Variants in GIT2 observed in about 807,000 individuals in gnomAD.
The protein encoded by GIT2 is GIT ArfGAP 2, also known as ARF GTPase-activating protein GIT2.
GIT2 carries 32 observed loss-of-function variants against 100.3 expected under a neutral mutation model. The observed-to-expected ratio is 0.32, with a 90% CI of 0.24 to 0.43. The LOEUF is 0.43. Ranked by LOEUF, GIT2 falls within the 20% of genes least tolerant of loss-of-function variation. The probability of loss-of-function intolerance (pLI) is 1.00; values close to 1 mark genes in which losing one functional copy is unlikely to be tolerated. For missense variants in GIT2, 737 were observed against 975.1 expected, an observed-to-expected ratio of 0.76 and a Z score of 3.25; for synonymous variants, 353 against 364.1, an observed-to-expected ratio of 0.97 and a Z score of 0.35.
rs545882404 is a variant in GIT2, at chr12:109,984,315, G to A, written c.406-621C>T. On this transcript the variant is annotated intron_variant, in intron 4 of 19. Coordinates refer to ENST00000355312, the MANE Select transcript of GIT2 (RefSeq NM_057169.5). ...TAGTCCCAGCTACTAAGGAGGCTGA[G>A]GTGGGAAGATCACCTGAGCCTGGGC... is the stretch of plus-strand genomic sequence containing the variant. Among the ~76,000 whole-genome samples the A allele has an allele frequency of 1.8e-3, 269 of 152,194 alleles. 1 individual carries two copies. Among genetic ancestry groups the A allele is most frequent in the Non-Finnish European group, 3.2e-3 (220 of 68,012 alleles).
chr12:109,948,492 A>G lies in GIT2; in HGVS notation c.1393-988T>C. ...ATTAGAGTTAAGGGGTCAGCAGGGA[A>G]TCGTGTTACTCTTTGGCATCTGGCA... On this transcript the variant is annotated intron_variant, in intron 14 of 19. Transcript: ENST00000355312. The surrounding 1 kb of genome is among the most constrained non-coding windows in gnomAD (Gnocchi z 4.3). 1 of 1,180,306 alleles carries G rather than the reference A, an allele frequency of 8.5e-7. No individual in the cohort carries two copies. The highest frequency in any genetic ancestry group is 1.1e-6 in the Non-Finnish European group (1 of 952,126). 73.1% of individuals were successfully genotyped at this position (1,180,306 alleles called of 1,614,324 possible). A position where few individuals can be genotyped will look rare whatever the true frequency, so the allele number is the denominator to read the frequency against.
At chr12:109,981,469 G>A (rs1457374764) in intron 6 of GIT2, 1 of 175,764 alleles carries the variant, frequency 5.7e-6, no homozygotes, top group Non-Finnish European at 1.2e-5. Context: ...GATGGGGCCA[G>A]GGGCCAATAT....
chr12:109,976,665 T>C (rs1465011193), intron 7 of GIT2, among the ~76,000 whole-genome samples: 2 of 150,442 alleles, frequency 1.3e-5, no homozygotes, highest in African/African-American at 4.9e-5. Flanking sequence ...CTCGGCTCAC[T>C]GTAACCTTTG....
chr12:109,948,945 T>A lies in GIT2; in HGVS notation c.1393-1441A>T, dbSNP rs1001743929. 5 of 776,192 alleles carry A rather than the reference T, an allele frequency of 6.4e-6. No individual in the cohort carries two copies. Among genetic ancestry groups the A allele is most frequent in the Non-Finnish European group, 1.1e-5 (5 of 473,858 alleles). The allele number at this position is 776,192 out of a possible 1,614,324, so 48.1% of individuals were successfully genotyped here. On this transcript the variant is annotated intron_variant, in intron 14 of 19. Transcript: ENST00000355312. The surrounding 1 kb of genome is among the most constrained non-coding windows in gnomAD (Gnocchi z 4.3). ...CTTTGAAATATAATCAATACATCTTTGCTAAATAAACAAATTCCATATACT... is the reference window on the plus strand; with the variant it reads ...CTTTGAAATATAATCAATACATCTTAGCTAAATAAACAAATTCCATATACT...
rs573461070 is a variant in GIT2, at chr12:109,957,109, G to A, written c.1099+2738C>T. On this transcript the variant is annotated intron_variant, in intron 12 of 19. Coordinates refer to ENST00000355312, the MANE Select transcript of GIT2 (RefSeq NM_057169.5). ...AATGTTTCTTCCCTCCAAATCTCAT[G>A]TTGAAATGTGATCCTCAGTGTTGGA... 5.9e-5 allele frequency among the ~76,000 whole-genome samples: 9 copies of A among 152,230 alleles called. No homozygotes were observed. The South Asian group carries it at 1.9e-3, about 32-fold the overall frequency.
intron 14 of GIT2, among the ~76,000 whole-genome samples, chr12:109,949,211 A>T (rs1220100938): frequency 2.0e-5 from 3 of 152,260 alleles, no homozygotes; most frequent in Non-Finnish European, 4.4e-5. Flanking sequence ...ACAGGCATGA[A>T]GTGCCTGTTG....
Position 109,947,143 on chromosome 12 carries a change from C to A in GIT2, c.1641+113G>T, listed in dbSNP as rs1459314145. On this transcript the variant is annotated intron_variant, in intron 15 of 19. Coordinates refer to ENST00000355312, the MANE Select transcript of GIT2 (RefSeq NM_057169.5). The surrounding 1 kb of genome is among the most constrained non-coding windows in gnomAD (Gnocchi z 4.3). The stretch of plus-strand genomic sequence containing the variant: ...TAATACAGCAAACACAATGGTAACT[C>A]TCTTAGTCCAATTTGGCAAAGCAGA... 2.1e-6 allele frequency: 2 copies of A among 954,602 alleles called. No individual in the cohort carries two copies. The highest frequency in any genetic ancestry group is 3.2e-6 in the Non-Finnish European group (2 of 621,154). The allele number at this position is 954,602 out of a possible 1,614,324, so 59.1% of individuals were successfully genotyped here.
At position 109,932,926 on chromosome 12, in the gene GIT2, A is replaced by C. The variant is rs1871897399; in HGVS notation, c.*52T>G. ...CTGAAGAGTTCTGCGTCTGAATTTG[A>C]AATTGGACTTTATAAAGCCTAGAAA... On this transcript the variant is annotated 3_prime_UTR_variant, in exon 20 of 20. Transcript: ENST00000355312. The C allele has an allele frequency of 6.9e-6, 7 of 1,017,844 alleles. No homozygotes were observed. The Admixed American group carries it at 8.6e-5, about 13-fold the overall frequency. 63.1% of individuals were successfully genotyped at this position (1,017,844 alleles called of 1,614,324 possible). A position where few individuals can be genotyped will look rare whatever the true frequency, so the allele number is the denominator to read the frequency against.
intron 12 of GIT2, 37 bp from the exon 13 acceptor site, chr12:109,953,271 A>T (rs1424864145): frequency 6.2e-7 from 1 of 1,603,424 alleles, no homozygotes; most frequent in East Asian, 2.2e-5. Flanking sequence ...TTCAGGCTTA[A>T]AACATTGCTT....
chr12:109,935,923 G>A (rs1872836905), intron 18 of GIT2, among the ~76,000 whole-genome samples: 2 of 152,074 alleles, frequency 1.3e-5, no homozygotes, highest in Admixed American at 1.3e-4. Flanking sequence ...ACTTCACATT[G>A]GTATCTTTCC....
chr12:109,948,834 C>A lies in GIT2; in HGVS notation c.1393-1330G>T, dbSNP rs567963715. On this transcript the variant is annotated intron_variant, in intron 14 of 19. Coordinates refer to ENST00000355312, the MANE Select transcript of GIT2 (RefSeq NM_057169.5). This position sits in a 1 kb window ranked among gnomAD's most constrained non-coding sequence, Gnocchi z 4.3. Reference sequence around the variant, plus strand: ...GTTGCTCCTCTTCATTAATTAGCATCTTTTCCAAGCAACTGTTAAATGTGA... The same window carrying A: ...GTTGCTCCTCTTCATTAATTAGCATATTTTCCAAGCAACTGTTAAATGTGA... 25 of 1,600,126 alleles carry A rather than the reference C, an allele frequency of 1.6e-5. No individual in the cohort carries two copies. The East Asian group carries it at 3.8e-4, about 24-fold the overall frequency.
intron 16 of GIT2, among the ~76,000 whole-genome samples, chr12:109,942,366 C>T (rs1230325727): frequency 2.0e-5 from 3 of 152,066 alleles, no homozygotes; most frequent in Non-Finnish European, 2.9e-5. Flanking sequence ...CTTGCTCTGT[C>T]GCCCAGGCTG....
In GIT2 at chr12:109,937,493, A is replaced by G. The variant is rs80067950; in HGVS notation, c.2003+887T>C. On this transcript the variant is annotated intron_variant, in intron 18 of 19. Coordinates refer to ENST00000355312, the MANE Select transcript of GIT2 (RefSeq NM_057169.5). ...TAGCTAATGTTTTATGAGTGTCTAC[A>G]TCCTGCCAACCATGGGAAGCTAGGA... 6.6e-3 allele frequency among the ~76,000 whole-genome samples: 1,004 copies of G among 152,308 alleles called. 15 individuals are homozygous for G. Among genetic ancestry groups the G allele is most frequent in the African/African-American group, 0.023 (958 of 41,566 alleles).
intron 7 of GIT2, among the ~76,000 whole-genome samples, chr12:109,977,237 T>C (rs1003432960): frequency 1.3e-5 from 2 of 152,040 alleles, no homozygotes; most frequent in Admixed American, 1.3e-4. Context: ...ATAATAATAA[T>C]AAAAAAGGAG....
intron 2 of GIT2, among the ~76,000 whole-genome samples, chr12:109,991,279 C>T (rs1055203848): frequency 3.4e-5 from 5 of 147,852 alleles, no homozygotes; most frequent in African/African-American, 1.3e-4. Flanking sequence ...CACTGCACTC[C>T]AGCCTGGATG....
rs1374335817 is a variant in GIT2 at position 109,947,383 on chromosome 12, G to A, written c.1514C>T (p.Pro505Leu). 7.4e-6 allele frequency: 12 copies of A among 1,614,028 alleles called. No homozygotes were observed. The highest frequency in any genetic ancestry group is 6.6e-5 in the South Asian group (6 of 91,088). Residue 505 changes from proline (P) to leucine (L), a missense_variant, in exon 15 of 20, where the codon CCG becomes CTG. Transcript: ENST00000355312. The surrounding 1 kb of genome is among the most constrained non-coding windows in gnomAD (Gnocchi z 4.3). ...TSNHSSLKRR[P>L]SARGSRPMSM... ...CATGGGCCTACTGCCCCGGGCAGAC[G>A]GACGTCTCTTTAAGGAAGAGTGGTT...
chr12:109,989,252 T>C (rs1423841036), intron 3 of GIT2, among the ~76,000 whole-genome samples, 184 bp from the exon 4 acceptor site: 1 of 152,212 alleles, frequency 6.6e-6, no homozygotes, highest in Non-Finnish European at 1.5e-5. Context: ...GTTATTATAA[T>C]GGCTGGGACT....
intron 7 of GIT2, among the ~76,000 whole-genome samples, chr12:109,975,663 C>T (rs1420687622): frequency 1.3e-5 from 2 of 151,802 alleles, no homozygotes; most frequent in African/African-American, 4.8e-5. Flanking sequence ...TTGTTCTCCC[C>T]CTCCTCTTTT....
chr12:109,933,025 C>A lies in GIT2; in HGVS notation c.2233G>T (p.Ala745Ser), dbSNP rs765864824. The A allele has an allele frequency of 1.9e-6, 3 of 1,613,702 alleles. No individual in the cohort carries two copies. The highest frequency in any genetic ancestry group is 2.2e-5 in the East Asian group (1 of 44,880). Residue 745 changes from alanine (A) to serine (S), a missense_variant, in exon 20 of 20, where the codon GCT becomes TCT. Physicochemically the swap from Ala to Ser is moderately conservative, Grantham distance 99 (BLOSUM62 1). Coordinates refer to ENST00000355312, the MANE Select transcript of GIT2 (RefSeq NM_057169.5). This position sits in a 1 kb window ranked among gnomAD's most constrained non-coding sequence, Gnocchi z 4.5. ...GTGATGGTAACCAGCTGCTTGGCAG[C>A]CTTGGCGATGTCGTACGCACACTGG... ...VIQCAYDIAK[A>S]AKQLVTITTK...
Sources: gnomAD v4.1 joint callset for allele counts (sites outside exome capture counted in the v4.1 genomes callset) on GRCh38, gnomAD v4.1.1 for gene constraint, Gnocchi (gnomAD v3.1) non-coding constraint, MANE v1.5 for transcripts, NCBI Gene and HGNC (gene_info 2026-07-23, HGNC 2026-07-21) for gene names.